Variants in KPNA6 observed in about 807,000 individuals in gnomAD.
The protein encoded by KPNA6 is karyopherin subunit alpha 6.
In KPNA6, 9 loss-of-function variants were observed where a neutral mutation model predicts 72.0. The observed-to-expected ratio is 0.13, with a 90% CI of 0.08 to 0.22. The LOEUF (loss-of-function observed/expected upper bound fraction) is 0.22, where lower values mean the gene tolerates loss of function less well. Ranked by LOEUF, KPNA6 falls within the 10% of genes least tolerant of loss-of-function variation. The pLI, the probability that KPNA6 is intolerant of heterozygous loss-of-function variation, is 1.00. For missense variants in KPNA6, 374 were observed against 655.7 expected (o/e 0.57, Z 4.69); for synonymous variants, 219 against 242.1 (o/e 0.90, Z 0.89).
intron 1 of KPNA6, among the ~76,000 whole-genome samples, chr1:32,108,764 C>T (rs1420649769): frequency 1.3e-5 from 2 of 152,184 alleles, no homozygotes; most frequent in Non-Finnish European, 1.5e-5. Context: ...CACCAAAGGC[C>T]AAGTCCTCTT....
chr1:32,118,449 A>G (rs911965969), intron 1 of KPNA6, among the ~76,000 whole-genome samples: 8 of 149,518 alleles, frequency 5.4e-5, no homozygotes, highest in African/African-American at 1.7e-4. Context: ...ATTCCATGTT[A>G]TTAGTTTTTT....
chr1:32,172,755 C>T lies in KPNA6; in HGVS notation c.*1861C>T, dbSNP rs985366617. On this transcript the variant is annotated 3_prime_UTR_variant, in exon 14 of 14. Coordinates refer to ENST00000373625, the MANE Select transcript of KPNA6 (RefSeq NM_012316.5). ...GAGCTGAAGGCACAGTCTGCCCCAC[C>T]CCCACCTCCCCACTGTGGTTAGTCA... 1.8e-5 allele frequency: 4 copies of T among 222,056 alleles called. No individual in the cohort carries two copies. In the East Asian group the frequency reaches 2.6e-4, roughly 15 times the overall value. The allele number at this position is 222,056 out of a possible 1,614,324, so 13.8% of individuals were successfully genotyped here.
intron 5 of KPNA6, 51 bp from the exon 6 acceptor site, chr1:32,159,348 TG>T: frequency 6.2e-7 from 1 of 1,601,224 alleles, no homozygotes; most frequent in East Asian, 2.2e-5. Flanking sequence ...CTGATAGGCA[TG>T]GCTGCTCAGT....
intron 2 of KPNA6, 123 bp from the exon 3 acceptor site, chr1:32,156,730 C>T (rs1642150486): frequency 4.5e-6 from 3 of 671,172 alleles, no homozygotes; most frequent in Non-Finnish European, 7.7e-6. Flanking sequence ...ATGTATAAAG[C>T]TTGGCCTCAC....
At chr1:32,116,189 CT>C (rs370003341) in intron 1 of KPNA6, among the ~76,000 whole-genome samples, 15,572 of 141,158 alleles carry the variant, frequency 0.11, 977 homozygotes, top group South Asian at 0.25. Flanking sequence ...CTTTTCTTTT[CT>C]TTTTTTTTTT....
At chr1:32,111,892 T>G (rs1477516828) in intron 1 of KPNA6, among the ~76,000 whole-genome samples, 1 of 152,216 alleles carries the variant, frequency 6.6e-6, no homozygotes, top group Non-Finnish European at 1.5e-5. Flanking sequence ...ATTCTGACCC[T>G]CTAGCAGAGA....
Position 32,160,275 on chromosome 1 carries a change from G to T in KPNA6, c.559-340G>T, listed in dbSNP as rs140776065. Among the ~76,000 whole-genome samples the T allele has an allele frequency of 9.4e-4, 141 of 150,200 alleles. 1 individual carries two copies. The highest frequency in any genetic ancestry group is 3.4e-3 in the African/African-American group (137 of 40,676). On this transcript the variant is annotated intron_variant, in intron 6 of 13. Coordinates refer to ENST00000373625, the MANE Select transcript of KPNA6 (RefSeq NM_012316.5). ...AGATTGTGCCACTGCACTCCAGCCT[G>T]GGTGACAGAGCGAGACTCCGTCTCA...
intron 1 of KPNA6, among the ~76,000 whole-genome samples, chr1:32,126,000 A>AAAAAAAAAAAC (rs1344906069): frequency 1.3e-5 from 2 of 149,758 alleles, no homozygotes; most frequent in African/African-American, 5.0e-5. Context: ...AAAAAAAAAA[A>AAAAAAAAAAAC]ACCTGTCCTA....
chr1:32,150,847 A>C lies in KPNA6; in HGVS notation c.5-3741A>C, dbSNP rs774874612. On this transcript the variant is annotated intron_variant, in intron 1 of 13. Transcript: ENST00000373625. ...TCACCATGTTGGCCAGGATGGTCTC[A>C]ATCTCTTGACCTCGTGGTCCGCCCA... 5.9e-5 allele frequency among the ~76,000 whole-genome samples: 9 copies of C among 151,444 alleles called. No homozygotes were observed. The East Asian group carries it at 1.8e-3, about 30-fold the overall frequency.
At chr1:32,153,130 A>G (rs1378151461) in intron 1 of KPNA6, among the ~76,000 whole-genome samples, 10 of 152,086 alleles carry the variant, frequency 6.6e-5, no homozygotes, top group East Asian at 1.9e-4. Flanking sequence ...AGAAGACTCA[A>G]TGAAGCTAAA....
Position 32,171,142 on chromosome 1 carries a change from A to G in KPNA6, c.*248A>G, listed in dbSNP as rs907751917. The G allele has an allele frequency of 1.4e-5, 7 of 497,654 alleles. No homozygotes were observed. In the East Asian group the frequency reaches 1.9e-4, roughly 13 times the overall value. The allele number at this position is 497,654 out of a possible 1,614,324, so 30.8% of individuals were successfully genotyped here. The stretch of plus-strand genomic sequence containing the variant: ...GACGTGTTGGGTTTTTCTTCCTTAC[A>G]CTATATTTTGGCTGCACACATGTCT... On this transcript the variant is annotated 3_prime_UTR_variant, in exon 14 of 14. Coordinates refer to ENST00000373625, the MANE Select transcript of KPNA6 (RefSeq NM_012316.5).
rs529407260 is a variant in KPNA6, at chr1:32,111,446, CT to C, written c.4+3315del. On this transcript the variant is annotated intron_variant, in intron 1 of 13. Coordinates refer to ENST00000373625, the MANE Select transcript of KPNA6 (RefSeq NM_012316.5). ...TTAGCCTAGAGTCAGGTAACTTCCT[CT>C]TTCCAGCTCCATCTCAGGTACCTCT... Among the ~76,000 whole-genome samples, 9 of 152,340 alleles carry C rather than the reference CT, an allele frequency of 5.9e-5. No homozygotes were observed. In the East Asian group the frequency reaches 1.7e-3, roughly 29 times the overall value.
chr1:32,145,469 C>T (rs185342456), intron 1 of KPNA6, among the ~76,000 whole-genome samples: 53 of 151,604 alleles, frequency 3.5e-4, no homozygotes, highest in African/African-American at 1.1e-3. Context: ...TGATTACAGG[C>T]ACCCGCCACC....
At chr1:32,167,863 A>AC (rs980615205) in intron 12 of KPNA6, among the ~76,000 whole-genome samples, 2 of 148,468 alleles carry the variant, frequency 1.3e-5, no homozygotes, top group African/African-American at 5.2e-5. Context: ...CAAAAAAAAA[A>AC]AAAAACAAAA....
chr1:32,111,374 T>G (rs983011320), intron 1 of KPNA6, among the ~76,000 whole-genome samples: 1 of 152,186 alleles, frequency 6.6e-6, no homozygotes, highest in Admixed American at 6.5e-5. Flanking sequence ...AACATGAAAG[T>G]TCTTCAGTGG....
chr1:32,143,581 AAAAAAGAAAAG>A (rs1641877692), intron 1 of KPNA6, among the ~76,000 whole-genome samples: 2 of 147,788 alleles, frequency 1.4e-5, no homozygotes, highest in Non-Finnish European at 3.0e-5. Flanking sequence ...TTAAAAAAAA[AAAAAAGAAAAG>A]AAAAAAAAAT....
At chr1:32,109,232 G>A (rs1641201017) in intron 1 of KPNA6, among the ~76,000 whole-genome samples, 1 of 152,064 alleles carries the variant, frequency 6.6e-6, no homozygotes, top group Non-Finnish European at 1.5e-5. Flanking sequence ...GCAGTGACGC[G>A]ATCTCGGCTC....
In KPNA6 at chr1:32,176,350, A is replaced by G. The variant is rs1201115522; in HGVS notation, c.*5456A>G. ...ATTTGCTTTTATTTTTCTAATAACA[A>G]TAAACTCTATTTTCCATGTTCTCAG... On this transcript the variant is annotated 3_prime_UTR_variant, in exon 14 of 14. Transcript: ENST00000373625. 6.6e-6 allele frequency: 1 copy of G among 152,176 alleles called. No individual in the cohort carries two copies. Among genetic ancestry groups the G allele is most frequent in the South Asian group, 2.1e-4 (1 of 4,826 alleles). 9.4% of individuals were successfully genotyped at this position (152,176 alleles called of 1,614,324 possible). A position where few individuals can be genotyped will look rare whatever the true frequency, so the allele number is the denominator to read the frequency against.
At chr1:32,126,925 A>G (rs531657382) in intron 1 of KPNA6, among the ~76,000 whole-genome samples, 1 of 152,188 alleles carries the variant, frequency 6.6e-6, no homozygotes, top group Non-Finnish European at 1.5e-5. Context: ...CAAGAAAATA[A>G]TGGTTTTTTT....
Sources: allele counts gnomAD v4.1 joint callset (sites outside exome capture counted in the v4.1 genomes callset), GRCh38; gene constraint gnomAD v4.1.1; transcripts MANE v1.5; gene names NCBI Gene and HGNC (gene_info 2026-07-23, HGNC 2026-07-21).